The following DGKI variants were observed in gnomAD, a reference collection of about 807,000 sequenced individuals.
DGKI encodes the protein diacylglycerol kinase iota, also known as DAG kinase iota.
DGKI carries 55 observed loss-of-function variants against 147.5 expected under a neutral mutation model. That is an observed-to-expected ratio of 0.37 (90% CI 0.30 to 0.47). DGKI has a LOEUF of 0.47. Ranked by LOEUF, DGKI falls within the 20% of genes least tolerant of loss-of-function variation. The pLI is 1.00. For synonymous variants in DGKI, 469 were observed against 477.1 expected (o/e 0.98, Z 0.22); for missense variants, 1,007 against 1,323.8 (o/e 0.76, Z 3.71).
intron 30 of DGKI, among the ~76,000 whole-genome samples, chr7:137,404,734 T>A (rs575584882): frequency 6.6e-6 from 1 of 152,272 alleles, no homozygotes; most frequent in South Asian, 2.1e-4. Flanking sequence ...ATTTATAACA[T>A]CTAACCAAAG....
Position 137,409,934 on chromosome 7 carries a change from T to C in DGKI, c.2800-1939A>G, listed in dbSNP as rs796432785. Among the ~76,000 whole-genome samples the C allele has an allele frequency of 4.1e-4, 63 of 152,194 alleles. 1 individual carries two copies. Among genetic ancestry groups the C allele is most frequent in the African/African-American group, 1.5e-3 (62 of 41,498 alleles). On this transcript the variant is annotated intron_variant, in intron 29 of 32. Coordinates refer to ENST00000614521, the MANE Select transcript of DGKI (RefSeq NM_001321708.2). Reference sequence around the variant, plus strand: ...TCTCCCTCTCTCTCATACAAACATATACACATGTATCCCATTTAATATTTT... The same window carrying C: ...TCTCCCTCTCTCTCATACAAACATACACACATGTATCCCATTTAATATTTT...
intron 1 of DGKI, among the ~76,000 whole-genome samples, chr7:137,789,383 A>G (rs1796776938): frequency 1.3e-5 from 2 of 152,200 alleles, no homozygotes; most frequent in African/African-American, 4.8e-5. Context: ...CTATAGTTTT[A>G]GCATCCGTAA....
At chr7:137,574,786 T>A (rs1818914086) in intron 17 of DGKI, among the ~76,000 whole-genome samples, 1 of 152,158 alleles carries the variant, frequency 6.6e-6, no homozygotes. Flanking sequence ...GAAGAAAATA[T>A]GGAAAGTGGA....
intron 8 of DGKI, among the ~76,000 whole-genome samples, chr7:137,612,015 C>T (rs1381405038): frequency 1.3e-5 from 2 of 152,124 alleles, no homozygotes; most frequent in Non-Finnish European, 2.9e-5. Context: ...AGCAATTAAA[C>T]TCCATGAGAC....
rs1811135346 is a variant in DGKI, at chr7:137,384,698, A to C, written c.*6522T>G. 6.6e-6 allele frequency: 1 copy of C among 152,074 alleles called. No individual in the cohort carries two copies. Among genetic ancestry groups the C allele is most frequent in the Admixed American group, 6.6e-5 (1 of 15,238 alleles). The allele number at this position is 152,074 out of a possible 1,614,324, so 9.4% of individuals were successfully genotyped here. A position where few individuals can be genotyped will look rare whatever the true frequency, so the allele number is the denominator to read the frequency against. On this transcript the variant is annotated 3_prime_UTR_variant, in exon 33 of 33. Coordinates refer to ENST00000614521, the MANE Select transcript of DGKI (RefSeq NM_001321708.2). ...TGTCAATACATCATAACGCTAAAGC[A>C]CTTTTTAATTCTTGAAACTGTTCTT... is the stretch of plus-strand genomic sequence containing the variant.
At chr7:137,627,879 T>A (rs958978555) in intron 6 of DGKI, among the ~76,000 whole-genome samples, 17 of 152,220 alleles carry the variant, frequency 1.1e-4, no homozygotes, top group Admixed American at 2.0e-4. Flanking sequence ...ATCACTTAAC[T>A]CTTCTAACTT....
intron 6 of DGKI, among the ~76,000 whole-genome samples, chr7:137,638,640 A>ACACATATATACATGTGTATG (rs1563126057): frequency 2.5e-5 from 1 of 40,286 alleles, no homozygotes; most frequent in African/African-American, 1.4e-4. Flanking sequence ...GTGTGTATAT[A>ACACATATATACATGTGTATG]TGTGTATGTA....
intron 10 of DGKI, among the ~76,000 whole-genome samples, chr7:137,604,993 A>G (rs1820125723): frequency 6.6e-6 from 1 of 152,134 alleles, no homozygotes; most frequent in Non-Finnish European, 1.5e-5. Context: ...TACACTTACT[A>G]TCTCTTTCCA....
At chr7:137,517,331 GAAAGAAAGAGAA>G (rs1487320571) in intron 21 of DGKI, among the ~76,000 whole-genome samples, 115 of 110,530 alleles carry the variant, frequency 1.0e-3, no homozygotes, top group South Asian at 2.7e-3. Flanking sequence ...AAGAAAGAAA[GAAAGAAAGAGAA>G]AGAAAGAAAG....
intron 3 of DGKI, among the ~76,000 whole-genome samples, chr7:137,676,962 G>C (rs2116383964): frequency 6.6e-6 from 1 of 152,272 alleles, no homozygotes; most frequent in South Asian, 2.1e-4. Context: ...AGTAGAAATT[G>C]TTCAAAAGTA....
At chr7:137,721,552 CT>C (rs1305679820) in intron 1 of DGKI, among the ~76,000 whole-genome samples, 1 of 152,160 alleles carries the variant, frequency 6.6e-6, no homozygotes, top group Non-Finnish European at 1.5e-5. Context: ...ATTGTGAGAC[CT>C]TCCTAACGGT....
chr7:137,393,904 C>T (rs1811454373), intron 32 of DGKI, among the ~76,000 whole-genome samples: 1 of 152,030 alleles, frequency 6.6e-6, no homozygotes, highest in East Asian at 1.9e-4. Flanking sequence ...TGAGGAGGCC[C>T]CAGGGAAAAA....
intron 17 of DGKI, among the ~76,000 whole-genome samples, chr7:137,576,521 T>A (rs1298026316): frequency 6.6e-6 from 1 of 152,200 alleles, no homozygotes; most frequent in African/African-American, 2.4e-5. Flanking sequence ...TTGTTTACTA[T>A]AAGGAAACAT....
chr7:137,735,156 C>T (rs1180857668), intron 1 of DGKI, among the ~76,000 whole-genome samples: 2 of 152,116 alleles, frequency 1.3e-5, no homozygotes, highest in Non-Finnish European at 2.9e-5. Context: ...CCATTTAACA[C>T]CCTTTAGGGG....
At chr7:137,458,823 A>C (rs1769815646) in intron 27 of DGKI, among the ~76,000 whole-genome samples, 1 of 152,244 alleles carries the variant, frequency 6.6e-6, no homozygotes, top group Non-Finnish European at 1.5e-5. Flanking sequence ...ATTAATGATA[A>C]GAGCAAATAC....
intron 32 of DGKI, among the ~76,000 whole-genome samples, 185 bp from the exon 33 acceptor site, chr7:137,391,521 AT>A (rs1337858528): frequency 1.3e-5 from 2 of 152,212 alleles, no homozygotes; most frequent in Non-Finnish European, 2.9e-5. Context: ...TTTCAAATCT[AT>A]TGTCTTATAT....
intron 11 of DGKI, among the ~76,000 whole-genome samples, chr7:137,599,558 G>C (rs1446291760): frequency 6.6e-6 from 1 of 152,162 alleles, no homozygotes; most frequent in Admixed American, 6.5e-5. Context: ...GATTTGCAGA[G>C]AATAACCTAC....
chr7:137,508,251 G>A (rs1245511488), intron 21 of DGKI, among the ~76,000 whole-genome samples: 40 of 125,044 alleles, frequency 3.2e-4, no homozygotes, highest in African/African-American at 1.1e-3. Context: ...TTTTTGAGAC[G>A]GAGTCTCACT....
rs563280965 is a variant in DGKI at position 137,701,612 on chromosome 7, G to A, written c.402-11610C>T. On this transcript the variant is annotated intron_variant, in intron 1 of 32. Coordinates refer to ENST00000614521, the MANE Select transcript of DGKI (RefSeq NM_001321708.2). ...TGTTAACAATAGCACTAAAAAACAT[G>A]CATTATTAAAGGACAGATACAATAA... 3.3e-5 allele frequency among the ~76,000 whole-genome samples: 5 copies of A among 152,006 alleles called. 1 individual carries two copies. In the South Asian group the frequency reaches 1.0e-3, roughly 32 times the overall value.
Sources: allele counts gnomAD v4.1 joint callset (sites outside exome capture counted in the v4.1 genomes callset), GRCh38; gene constraint gnomAD v4.1.1; transcripts MANE v1.5; gene names NCBI Gene and HGNC (gene_info 2026-07-23, HGNC 2026-07-21).